Variants in TDRP observed in about 807,000 individuals in gnomAD.
The protein encoded by TDRP is testis development related protein, also known as testis development-related protein.
A neutral mutation model predicts 10.5 loss-of-function variants in TDRP; 12 were observed. That is an observed-to-expected ratio of 1.15 (90% CI 0.73 to 1.86). TDRP has a LOEUF of 1.86. Among genes scored for constraint, TDRP ranks in the 40% most tolerant of loss-of-function variants. The probability of loss-of-function intolerance (pLI) is 0.00; values close to 1 mark genes in which losing one functional copy is unlikely to be tolerated. For synonymous variants in TDRP, 139 were observed against 95.4 expected, an observed-to-expected ratio of 1.46 and a Z score of -2.67; for missense variants, 353 against 229.2, an observed-to-expected ratio of 1.54 and a Z score of -3.49.
intron 1 of TDRP, among the ~76,000 whole-genome samples, chr8:535,875 G>T (rs573058031): frequency 1.6e-4 from 24 of 151,944 alleles, no homozygotes; most frequent in Non-Finnish European, 3.1e-4. Context: ...TGTAGGGGTG[G>T]AACCCACCAG....
At chr8:493,432 A>C (rs1801036159) in intron 2 of TDRP, among the ~76,000 whole-genome samples, 1 of 152,258 alleles carries the variant, frequency 6.6e-6, no homozygotes, top group Admixed American at 6.5e-5. Context: ...GTGAAGTCAC[A>C]GCTCCGCCAG....
intron 1 of TDRP, among the ~76,000 whole-genome samples, chr8:533,186 A>G (rs1486015467): frequency 6.6e-6 from 1 of 152,154 alleles, no homozygotes; most frequent in Admixed American, 6.5e-5. Context: ...AGGTTCTTGT[A>G]CATTTTTGAC....
At position 491,712 on chromosome 8, in the gene TDRP, G is replaced by A. The variant is rs1294053966; in HGVS notation, c.*687C>T. 17 of 1,481,436 alleles carry A rather than the reference G, an allele frequency of 1.1e-5. No homozygotes were observed. The highest frequency in any genetic ancestry group is 1.4e-5 in the African/African-American group (1 of 69,948). The allele number at this position is 1,481,436 out of a possible 1,614,324, so 91.8% of individuals were successfully genotyped here. ...GAGCAAATGTTTTAAGAAAATAAAGGGACCGATTTAGAAGTTCAAAAGAGG... is the reference window on the plus strand; with the variant it reads ...GAGCAAATGTTTTAAGAAAATAAAGAGACCGATTTAGAAGTTCAAAAGAGG... On this transcript the variant is annotated 3_prime_UTR_variant, in exon 3 of 3. Transcript: ENST00000324079.
chr8:502,222 C>T (rs1487564206), intron 1 of TDRP, among the ~76,000 whole-genome samples: 1 of 152,252 alleles, frequency 6.6e-6, no homozygotes. Flanking sequence ...TGGGAACTCA[C>T]AGTGAACTTA....
At chr8:501,464 A>G (rs1427805579) in intron 1 of TDRP, among the ~76,000 whole-genome samples, 1 of 151,582 alleles carries the variant, frequency 6.6e-6, no homozygotes, top group Non-Finnish European at 1.5e-5. Context: ...CTCCTGCCTC[A>G]GCCTCCTGAG....
intron 1 of TDRP, among the ~76,000 whole-genome samples, chr8:530,689 A>T (rs1369524541): frequency 6.6e-6 from 1 of 152,194 alleles, no homozygotes; most frequent in African/African-American, 2.4e-5. Flanking sequence ...CTGGCAGGGC[A>T]ACAGGCTGTG....
chr8:508,395 A>C (rs1349806964), intron 1 of TDRP, among the ~76,000 whole-genome samples: 1 of 152,172 alleles, frequency 6.6e-6, no homozygotes, highest in African/African-American at 2.4e-5. Flanking sequence ...AGTTTAATTG[A>C]CTCAGTTCCA....
chr8:491,366 G>A lies in TDRP; in HGVS notation c.*1033C>T, dbSNP rs936789567. On this transcript the variant is annotated 3_prime_UTR_variant, in exon 3 of 3. Transcript: ENST00000324079. ...CTTGCTGATAAGAGCCAACCTTCCA[G>A]GGACGCATAACTGGCACCTGATACT... 2 of 370,996 alleles carry A rather than the reference G, an allele frequency of 5.4e-6. No homozygotes were observed. The highest frequency in any genetic ancestry group is 4.2e-5 in the African/African-American group (2 of 48,076). The allele number at this position is 370,996 out of a possible 1,614,324, so 23.0% of individuals were successfully genotyped here. A position where few individuals can be genotyped will look rare whatever the true frequency, so the allele number is the denominator to read the frequency against.
At chr8:535,784 C>T (rs1175397937) in intron 1 of TDRP, among the ~76,000 whole-genome samples, 5 of 140,474 alleles carry the variant, frequency 3.6e-5, no homozygotes, top group African/African-American at 2.9e-5. Flanking sequence ...TGGGCCCACC[C>T]GAGGCAGGTC....
At chr8:505,684 G>A (rs908155294) in intron 1 of TDRP, among the ~76,000 whole-genome samples, 2 of 152,192 alleles carry the variant, frequency 1.3e-5, no homozygotes, top group East Asian at 3.8e-4. Flanking sequence ...GCTTCACTGA[G>A]GCTTTAGATT....
intron 1 of TDRP, among the ~76,000 whole-genome samples, chr8:505,995 G>A (rs1035070732): frequency 6.6e-6 from 1 of 152,152 alleles, no homozygotes; most frequent in East Asian, 1.9e-4. Context: ...ATGTGGGCAT[G>A]GACATCACTG....
intron 1 of TDRP, among the ~76,000 whole-genome samples, chr8:514,838 G>A (rs1257793941): frequency 1.3e-5 from 2 of 151,960 alleles, no homozygotes; most frequent in Admixed American, 6.6e-5. Flanking sequence ...CTCCCACCCT[G>A]GTCCTCCAAG....
chr8:524,888 G>C (rs1425206121), intron 1 of TDRP, among the ~76,000 whole-genome samples: 1 of 152,146 alleles, frequency 6.6e-6, no homozygotes, highest in Non-Finnish European at 1.5e-5. Context: ...GAGAAGGGTA[G>C]AAAGTTTATT....
rs549149889 is a variant in TDRP at position 493,705 on chromosome 8, C to T, written c.212+789G>A. ...GTAGCAAGGTCAGTTTAAATGTATT[C>T]AATTCTCTAAAATCTTTTACAGTTT... is the stretch of plus-strand genomic sequence containing the variant. On this transcript the variant is annotated intron_variant, in intron 2 of 2. Coordinates refer to ENST00000324079, the MANE Select transcript of TDRP (RefSeq NM_001384899.1). Among the ~76,000 whole-genome samples, 4 of 152,292 alleles carry T rather than the reference C, an allele frequency of 2.6e-5. No individual in the cohort carries two copies. The South Asian group carries it at 8.3e-4, about 32-fold the overall frequency.
At chr8:524,280 A>G (rs1193263694) in intron 1 of TDRP, among the ~76,000 whole-genome samples, 1 of 152,212 alleles carries the variant, frequency 6.6e-6, no homozygotes, top group Non-Finnish European at 1.5e-5. Flanking sequence ...CTTAGATCAC[A>G]ACACCCAAGT....
chr8:537,445 T>G (rs569225824), intron 1 of TDRP, among the ~76,000 whole-genome samples: 1 of 152,216 alleles, frequency 6.6e-6, no homozygotes, highest in Non-Finnish European at 1.5e-5. Context: ...CTATTTCTAT[T>G]ATTTAATAAC....
At chr8:523,054 T>G (rs539876069) in intron 1 of TDRP, among the ~76,000 whole-genome samples, 104 of 152,302 alleles carry the variant, frequency 6.8e-4, no homozygotes, top group Admixed American at 1.2e-3. Flanking sequence ...CTATTGCCAC[T>G]TTGTTAATTA....
Position 531,867 on chromosome 8 carries a change from T to A in TDRP, c.108+12783A>T, listed in dbSNP as rs1045212952. On this transcript the variant is annotated intron_variant, in intron 1 of 2. Coordinates refer to ENST00000324079, the MANE Select transcript of TDRP (RefSeq NM_001384899.1). The stretch of plus-strand genomic sequence containing the variant: ...AACATTGAATCACACCACATATTAT[T>A]TCAACCTAGTATTTTATGGTTTAAG... Among the ~76,000 whole-genome samples the A allele has an allele frequency of 2.8e-4, 42 of 152,190 alleles. 1 individual carries two copies. Among genetic ancestry groups the A allele is most frequent in the Admixed American group, 6.5e-5 (1 of 15,286 alleles).
chr8:545,753 C>A (rs1025209287), upstream of TDRP: 2 of 151,974 alleles, frequency 1.3e-5, no homozygotes, highest in East Asian at 3.9e-4. Context: ...GCCGCTGGGG[C>A]CTGGGGCGCC....
Sources: allele counts gnomAD v4.1 joint callset (sites outside exome capture counted in the v4.1 genomes callset), GRCh38; gene constraint gnomAD v4.1.1; transcripts MANE v1.5; gene names NCBI Gene and HGNC (gene_info 2026-07-23, HGNC 2026-07-21).